Variants in REEP1 observed in about 807,000 individuals in gnomAD.
The protein encoded by REEP1 is receptor expression-enhancing protein 1.
A neutral mutation model predicts 40.3 loss-of-function variants in REEP1; 22 were observed. The observed-to-expected ratio is 0.55, with a 90% CI of 0.39 to 0.78. The LOEUF (loss-of-function observed/expected upper bound fraction) is 0.78. REEP1 is among the 30% of genes least tolerant of loss of function. The pLI, the probability that REEP1 is intolerant of heterozygous loss-of-function variation, is 0.00. For missense variants in REEP1, 280 were observed against 361.1 expected (o/e 0.78, Z 1.82); for synonymous variants, 116 against 139.2 (o/e 0.83, Z 1.17).
rs1200198013 is a variant in REEP1 at position 86,219,960 on chromosome 2, C to CA, written c.783+9dup. On this transcript the variant is annotated intron_variant, in intron 8 of 8. Transcript: ENST00000538924. Reference sequence around the variant, plus strand: ...ACACACTCCAACCCACAGCCCCAGACACTGTGTACCTCCAGGGGCAATTCC... The same window carrying CA: ...ACACACTCCAACCCACAGCCCCAGACAACTGTGTACCTCCAGGGGCAATTCC... 2 of 1,232,004 alleles carry CA rather than the reference C, an allele frequency of 1.6e-6. No homozygotes were observed. The highest frequency in any genetic ancestry group is 3.1e-5 in the African/African-American group (2 of 64,420). The allele number at this position is 1,232,004 out of a possible 1,614,324, so 76.3% of individuals were successfully genotyped here. A position where few individuals can be genotyped will look rare whatever the true frequency, so the allele number is the denominator to read the frequency against.
intron 7 of REEP1, among the ~76,000 whole-genome samples, chr2:86,226,458 TTTTTC>T (rs1224800691): frequency 5.5e-5 from 2 of 36,528 alleles, no homozygotes; most frequent in Non-Finnish European, 9.8e-5. Flanking sequence ...CTGTTGTGGC[TTTTTC>T]TTTTCTTTTT....
At chr2:86,252,630 C>A (rs1676350338) in intron 4 of REEP1, among the ~76,000 whole-genome samples, 1 of 152,234 alleles carries the variant, frequency 6.6e-6, no homozygotes. Context: ...ACCATGTCAT[C>A]TTCCTTATCT....
Position 86,232,668 on chromosome 2 carries a change from C to G in REEP1, c.552G>C (p.Gln184His). Residue 184 changes from glutamine to histidine, a missense_variant, in exon 6 of 9, where the codon CAG becomes CAC. Gln to His is a conservative substitution (Grantham distance 24). This residue lies in a region of REEP1 where 201 missense variants were observed against 238.5 expected (regional missense o/e 0.84). Coordinates refer to ENST00000538924, the MANE Select transcript of REEP1 (RefSeq NM_001371279.1). ...GSGRASGKHG[Q>H]PKMSRSASES... Reference sequence around the variant, plus strand: ...CAGAAGCACTCCTGGACATCTTAGGCTGGCCGTGTTTGCCGCTGGCCCGCC... The same window carrying G: ...CAGAAGCACTCCTGGACATCTTAGGGTGGCCGTGTTTGCCGCTGGCCCGCC... The G allele has an allele frequency of 6.2e-7, 1 of 1,612,814 alleles. No homozygotes were observed. Among genetic ancestry groups the G allele is most frequent in the Non-Finnish European group, 8.5e-7 (1 of 1,179,994 alleles).
At chr2:86,274,807 G>A (rs1484693735) in intron 2 of REEP1, among the ~76,000 whole-genome samples, 2 of 152,162 alleles carry the variant, frequency 1.3e-5, no homozygotes, top group African/African-American at 2.4e-5. Context: ...GTCAGGAGCA[G>A]GATCTAGGAG....
intron 1 of REEP1, among the ~76,000 whole-genome samples, chr2:86,283,253 C>G (rs1439131275): frequency 6.6e-6 from 1 of 152,188 alleles, no homozygotes; most frequent in Non-Finnish European, 1.5e-5. Flanking sequence ...GTTCCCAGAA[C>G]CTACCCCATA....
rs529340078 is a variant in REEP1 at position 86,305,875 on chromosome 2, C to T, written c.33-23633G>A. Among the ~76,000 whole-genome samples the T allele has an allele frequency of 3.3e-5, 5 of 152,318 alleles. No individual in the cohort carries two copies. The South Asian group carries it at 1.0e-3, about 32-fold the overall frequency. Reference sequence around the variant, plus strand: ...AACCAGCTTTCCTCCCATTTTGGCTCACCTAGCGCCTCACTGCCAGATTCC... The same window carrying T: ...AACCAGCTTTCCTCCCATTTTGGCTTACCTAGCGCCTCACTGCCAGATTCC... On this transcript the variant is annotated intron_variant, in intron 1 of 8. Coordinates refer to ENST00000538924, the MANE Select transcript of REEP1 (RefSeq NM_001371279.1).
At chr2:86,296,937 C>A (rs1352899054) in intron 1 of REEP1, among the ~76,000 whole-genome samples, 1 of 152,226 alleles carries the variant, frequency 6.6e-6, no homozygotes, top group Non-Finnish European at 1.5e-5. Flanking sequence ...AACTTGGGTT[C>A]TGCTGAAAAC....
intron 3 of REEP1, among the ~76,000 whole-genome samples, chr2:86,258,132 T>C (rs1676671213): frequency 6.6e-6 from 1 of 152,188 alleles, no homozygotes; most frequent in African/African-American, 2.4e-5. Flanking sequence ...AGTCTTAGTG[T>C]TTCAGCTTTT....
intron 2 of REEP1, chr2:86,279,878 G>A (rs1349062963): frequency 2.5e-5 from 11 of 445,848 alleles, no homozygotes; most frequent in Admixed American, 2.4e-4. Flanking sequence ...TTATAAAATA[G>A]TACACAGGTG....
chr2:86,261,324 AT>A (rs1676841371), intron 3 of REEP1, among the ~76,000 whole-genome samples: 1 of 152,158 alleles, frequency 6.6e-6, no homozygotes, highest in Admixed American at 6.5e-5. Flanking sequence ...GAGAGATCAG[AT>A]TGTTACTGTG....
At chr2:86,328,869 T>C (rs961217098) in intron 1 of REEP1, among the ~76,000 whole-genome samples, 8 of 152,024 alleles carry the variant, frequency 5.3e-5, no homozygotes, top group African/African-American at 1.9e-4. Flanking sequence ...CGTCTAGGGG[T>C]GTGTTACAAT....
chr2:86,227,334 C>T lies in REEP1; in HGVS notation c.631+29G>A, dbSNP rs764145201. 12 of 1,232,326 alleles carry T rather than the reference C, an allele frequency of 9.7e-6. No individual in the cohort carries two copies. In the East Asian group the frequency reaches 1.6e-4, roughly 16 times the overall value. The allele number at this position is 1,232,326 out of a possible 1,614,324, so 76.3% of individuals were successfully genotyped here. On this transcript the variant is annotated intron_variant, in intron 7 of 8. Transcript: ENST00000538924. ...GCTCTTTCCGAGTGAGAGTCCAGCA[C>T]GCTGCGGAGAGGCTGGCTGCTTACT...
chr2:86,323,281 A>G (rs1163225861), intron 1 of REEP1, among the ~76,000 whole-genome samples: 1 of 152,242 alleles, frequency 6.6e-6, no homozygotes, highest in East Asian at 1.9e-4. Flanking sequence ...AAATGACAAC[A>G]GATTTGTGTG....
At chr2:86,317,395 C>G (rs999722279) in intron 1 of REEP1, among the ~76,000 whole-genome samples, 1 of 152,170 alleles carries the variant, frequency 6.6e-6, no homozygotes, top group Non-Finnish European at 1.5e-5. Flanking sequence ...CTGTACAGAA[C>G]AGTGAGTGAT....
At chr2:86,220,196 G>A in intron 7 of REEP1, 75 bp from the exon 8 acceptor site, 1 of 1,018,274 alleles carries the variant, frequency 9.8e-7, no homozygotes, top group Non-Finnish European at 1.3e-6. Context: ...AGCAGGGAAG[G>A]GCAAGGTTAG....
intron 5 of REEP1, among the ~76,000 whole-genome samples, chr2:86,238,086 C>A (rs1675458133): frequency 6.6e-6 from 1 of 152,138 alleles, no homozygotes; most frequent in Non-Finnish European, 1.5e-5. Flanking sequence ...GAGGCTGAGG[C>A]AGGAGAATCG....
intron 2 of REEP1, among the ~76,000 whole-genome samples, chr2:86,276,868 C>A (rs1476325137): frequency 6.6e-6 from 1 of 152,198 alleles, no homozygotes; most frequent in Non-Finnish European, 1.5e-5. Context: ...GGATCATAAT[C>A]TGCTTTTAAG....
At chr2:86,266,835 G>A (rs1368187886) in intron 2 of REEP1, among the ~76,000 whole-genome samples, 12 of 150,730 alleles carry the variant, frequency 8.0e-5, no homozygotes, top group Admixed American at 6.6e-5. Context: ...ATGAAACCCC[G>A]TCTCCACTAA....
intron 2 of REEP1, among the ~76,000 whole-genome samples, chr2:86,264,987 A>G (rs1324540253): frequency 6.6e-6 from 1 of 152,192 alleles, no homozygotes; most frequent in Non-Finnish European, 1.5e-5. Flanking sequence ...GCAGTTTGAG[A>G]CTGCCAGAGA....
Sources: gnomAD v4.1 joint callset for allele counts (sites outside exome capture counted in the v4.1 genomes callset) on GRCh38, gnomAD v4.1.1 for gene constraint, gnomAD v4.1.1 regional missense constraint, MANE v1.5 for transcripts, NCBI Gene and HGNC (gene_info 2026-07-23, HGNC 2026-07-21) for gene names.